Variants in TENM2 observed in about 807,000 individuals in gnomAD.
The protein encoded by TENM2 is teneurin-2.
TENM2 carries 52 observed loss-of-function variants against 245.2 expected under a neutral mutation model. The ratio of observed to expected loss-of-function variants is 0.21; its 90% CI spans 0.17 to 0.27. TENM2 has a LOEUF of 0.27. Ranked by LOEUF, TENM2 falls within the 10% of genes least tolerant of loss-of-function variation. The pLI is 1.00. For synonymous variants in TENM2, 1,363 were observed against 1,438.9 expected (o/e 0.95, Z 1.19); for missense variants, 3,046 against 3,666.8 (o/e 0.83, Z 4.37).
chr5:166,993,192 T>C, the TENM2 span, among the ~76,000 whole-genome samples: 20 of 152,056 alleles, frequency 1.3e-4, no homozygotes, highest in Admixed American at 2.6e-4. Context: ...CCTTTTCCCT[T>C]TCTGAAGGAG....
At chr5:167,121,138 GT>G in the TENM2 span, among the ~76,000 whole-genome samples, 1 of 152,024 alleles carries the variant, frequency 6.6e-6, no homozygotes, top group Non-Finnish European at 1.5e-5. Context: ...GTGTGTTTTT[GT>G]TTTTAGTGCT....
At chr5:168,066,688 CACAG>C (rs1014031420) in intron 7 of TENM2, among the ~76,000 whole-genome samples, 2 of 151,774 alleles carry the variant, frequency 1.3e-5, no homozygotes, top group Non-Finnish European at 2.9e-5. Flanking sequence ...TTTTTAAAGA[CACAG>C]ACAGAAAAAA....
chr5:167,968,285 C>G (rs566824230), intron 4 of TENM2, among the ~76,000 whole-genome samples: 21 of 152,302 alleles, frequency 1.4e-4, no homozygotes, highest in Admixed American at 4.6e-4. Context: ...AAGCGCTGCA[C>G]AAAGGATCAC....
intron 2 of TENM2, among the ~76,000 whole-genome samples, chr5:167,657,379 T>C (rs1754915076): frequency 1.3e-5 from 2 of 152,214 alleles, no homozygotes; most frequent in African/African-American, 4.8e-5. Flanking sequence ...TATCCATTCA[T>C]CTGTTGGTGG....
intron 2 of TENM2, among the ~76,000 whole-genome samples, chr5:167,534,034 A>C (rs1231315379): frequency 6.6e-6 from 1 of 152,160 alleles, no homozygotes; most frequent in Non-Finnish European, 1.5e-5. Flanking sequence ...GTGTGTCCAT[A>C]AGGAAGGACA....
At chr5:168,241,646 A>G (rs960747360) in intron 25 of TENM2, among the ~76,000 whole-genome samples, 3 of 152,104 alleles carry the variant, frequency 2.0e-5, no homozygotes, top group Non-Finnish European at 4.4e-5. Flanking sequence ...AATGGTTTGG[A>G]GAATCTGTAG....
chr5:167,230,590 A>T, the TENM2 span, among the ~76,000 whole-genome samples: 1 of 152,152 alleles, frequency 6.6e-6, no homozygotes, highest in African/African-American at 2.4e-5. Context: ...CAGAATCATC[A>T]GTAGATACAT....
chr5:168,251,956 G>C (rs1158302351), intron 27 of TENM2, among the ~76,000 whole-genome samples: 2 of 152,240 alleles, frequency 1.3e-5, no homozygotes, highest in African/African-American at 4.8e-5. Flanking sequence ...AGCAGGCGGA[G>C]GGGGCAAGAA....
intron 2 of TENM2, among the ~76,000 whole-genome samples, chr5:167,552,484 C>G (rs1336778688): frequency 1.3e-5 from 2 of 152,184 alleles, no homozygotes; most frequent in African/African-American, 4.8e-5. Flanking sequence ...CTGAATGCCA[C>G]TGAGATTACT....
chr5:167,107,294 A>G, the TENM2 span, among the ~76,000 whole-genome samples: 1 of 150,840 alleles, frequency 6.6e-6, no homozygotes, highest in Non-Finnish European at 1.5e-5. Flanking sequence ...GAAGGAGGGA[A>G]GGGAAGAAAA....
At chr5:167,853,289 CAAAAAAAAA>C (rs777170514) in intron 2 of TENM2, among the ~76,000 whole-genome samples, 2 of 24,622 alleles carry the variant, frequency 8.1e-5, no homozygotes, top group Non-Finnish European at 1.5e-4. Flanking sequence ...GACTCCGTCT[CAAAAAAAAA>C]AAAAAAAAAA....
At chr5:167,624,705 C>T (rs1177460484) in intron 2 of TENM2, among the ~76,000 whole-genome samples, 1 of 152,196 alleles carries the variant, frequency 6.6e-6, no homozygotes, top group East Asian at 1.9e-4. Flanking sequence ...GTGTTCTGAG[C>T]TCTTGATATT....
intron 2 of TENM2, among the ~76,000 whole-genome samples, chr5:167,652,912 A>G (rs1321560685): frequency 2.0e-5 from 3 of 152,226 alleles, no homozygotes; most frequent in African/African-American, 7.2e-5. Context: ...CTGGGCTCCC[A>G]ACATTAGCTA....
intron 2 of TENM2, among the ~76,000 whole-genome samples, chr5:167,683,135 A>T (rs781354211): frequency 6.6e-6 from 1 of 152,196 alleles, no homozygotes; most frequent in Non-Finnish European, 1.5e-5. Flanking sequence ...AATAATAGCA[A>T]CTACACTTAT....
chr5:167,462,175 A>ACC (rs1475191708), intron 2 of TENM2, among the ~76,000 whole-genome samples: 1,429 of 52,826 alleles, frequency 0.027, 33 homozygotes, highest in East Asian at 0.057. Context: ...GAGTTCCCTG[A>ACC]CCCCCACCCC....
intron 6 of TENM2, among the ~76,000 whole-genome samples, chr5:168,055,063 C>T (rs1185489619): frequency 6.6e-6 from 1 of 152,156 alleles, no homozygotes; most frequent in Non-Finnish European, 1.5e-5. Flanking sequence ...CAGGCCTAGT[C>T]ATTGCCTAGA....
intron 1 of TENM2, among the ~76,000 whole-genome samples, chr5:167,350,208 T>C (rs2127838703): frequency 6.6e-6 from 1 of 152,256 alleles, no homozygotes; most frequent in African/African-American, 2.4e-5. Flanking sequence ...ATTTCCCTGG[T>C]CCTCCTTGTT....
chr5:167,302,218 G>T (rs923520637), intron 1 of TENM2, among the ~76,000 whole-genome samples: 1 of 152,140 alleles, frequency 6.6e-6, no homozygotes, highest in African/African-American at 2.4e-5. Flanking sequence ...CCATTTTCTG[G>T]CTATTTGGAA....
At chr5:168,039,867 T>TGCACCTGCAGC (rs1788033512) in intron 5 of TENM2, among the ~76,000 whole-genome samples, 1 of 151,902 alleles carries the variant, frequency 6.6e-6, no homozygotes, top group Admixed American at 6.6e-5. Flanking sequence ...CCACCTGCAG[T>TGCACCTGCAGC]GCACCTGCAG....
Sources: allele counts gnomAD v4.1 joint callset (sites outside exome capture counted in the v4.1 genomes callset), GRCh38; gene constraint gnomAD v4.1.1; transcripts MANE v1.5; gene names NCBI Gene and HGNC (gene_info 2026-07-23, HGNC 2026-07-21).